Variants in PEX5L observed in about 807,000 individuals in gnomAD.
PEX5L encodes PEX5-related protein.
PEX5L carries 30 observed loss-of-function variants against 84.0 expected under a neutral mutation model. That is an observed-to-expected ratio of 0.36 (90% confidence interval 0.27 to 0.48). PEX5L has a LOEUF of 0.48. Among genes scored for constraint, PEX5L ranks in the 20% least tolerant of loss-of-function variants. The probability of loss-of-function intolerance (pLI) is 0.99; values close to 1 mark genes in which losing one functional copy is unlikely to be tolerated. For missense variants in PEX5L, 533 were observed against 754.6 expected, an observed-to-expected ratio of 0.71 and a Z score of 3.44; for synonymous variants, 270 against 283.1, an observed-to-expected ratio of 0.95 and a Z score of 0.46.
chr3:179,815,937 C>G lies in PEX5L; in HGVS notation c.1007G>C (p.Arg336Thr). Residue 336 changes from arginine (R) to threonine (T), a missense_variant, in exon 10 of 15, where the codon AGG (arginine) becomes ACG (threonine). Arg to Thr is a moderately conservative substitution (Grantham distance 71). Coordinates refer to ENST00000467460, the MANE Select transcript of PEX5L (RefSeq NM_016559.3). Reference sequence around the variant, plus strand: ...GACTGGCAGATCCCCTTCCTTCAGCCTTTTTAAGCCTTCTTCAAATGCTCC... The same window carrying G: ...GACTGGCAGATCCCCTTCCTTCAGCGTTTTTAAGCCTTCTTCAAATGCTCC... ...WPGAFEEGLK[R>T]LKEGDLPVTI... 6.2e-7 allele frequency: 1 copy of G among 1,614,134 alleles called. No individual in the cohort carries two copies. Among genetic ancestry groups the G allele is most frequent in the South Asian group, 1.1e-5 (1 of 91,080 alleles).
intron 1 of PEX5L, among the ~76,000 whole-genome samples, chr3:180,008,824 C>T (rs1789164623): frequency 6.6e-6 from 1 of 152,188 alleles, no homozygotes; most frequent in South Asian, 2.1e-4. Flanking sequence ...CCTCCCACAA[C>T]ACATGGGAAT....
chr3:179,920,457 A>G (rs978867448), intron 2 of PEX5L, among the ~76,000 whole-genome samples: 8 of 152,178 alleles, frequency 5.3e-5, no homozygotes, highest in Non-Finnish European at 1.5e-5. Flanking sequence ...AATCAGAAGC[A>G]TTTGAAAAAA....
chr3:179,837,012 AG>A (rs2109278124), intron 8 of PEX5L, among the ~76,000 whole-genome samples: 1 of 152,346 alleles, frequency 6.6e-6, no homozygotes, highest in South Asian at 2.1e-4. Context: ...GACTATAGAG[AG>A]AAAAATTATA....
In PEX5L at chr3:179,948,421, T is replaced by C. The variant is rs144094028; in HGVS notation, c.93+23173A>G. On this transcript the variant is annotated intron_variant, in intron 2 of 14. Transcript: ENST00000467460. ...AGCTTAACTTTCTCCTGTTTGGCTG[T>C]GGTCAGCAAGATGAGAAATTATCAG... is the stretch of plus-strand genomic sequence containing the variant. Among the ~76,000 whole-genome samples, 536 of 152,330 alleles carry C rather than the reference T, an allele frequency of 3.5e-3. 2 individuals are homozygous for C. The highest frequency in any genetic ancestry group is 0.012 in the African/African-American group (506 of 41,572).
At chr3:179,976,095 G>A (rs1487596470) in intron 1 of PEX5L, among the ~76,000 whole-genome samples, 2 of 152,138 alleles carry the variant, frequency 1.3e-5, no homozygotes, top group Non-Finnish European at 2.9e-5. Flanking sequence ...TGAGGACTAC[G>A]GCCAGAGTCC....
At chr3:179,995,626 C>A (rs889181409) in intron 1 of PEX5L, among the ~76,000 whole-genome samples, 4 of 152,108 alleles carry the variant, frequency 2.6e-5, no homozygotes, top group African/African-American at 9.7e-5. Context: ...GTTCAGTAGA[C>A]AAAGTGATGA....
At chr3:179,817,994 T>C (rs1360939631) in intron 9 of PEX5L, among the ~76,000 whole-genome samples, 1 of 152,206 alleles carries the variant, frequency 6.6e-6, no homozygotes, top group African/African-American at 2.4e-5. Flanking sequence ...GAGATGGTTG[T>C]TCTAATTTTA....
At chr3:179,810,775 A>G (rs1723452577) in intron 11 of PEX5L, among the ~76,000 whole-genome samples, 1 of 152,100 alleles carries the variant, frequency 6.6e-6, no homozygotes, top group Non-Finnish European at 1.5e-5. Flanking sequence ...TTTTAAAACT[A>G]TTGCTGCTTG....
At chr3:179,830,855 C>A (rs1192647610) in intron 8 of PEX5L, among the ~76,000 whole-genome samples, 4 of 152,166 alleles carry the variant, frequency 2.6e-5, no homozygotes, top group Non-Finnish European at 5.9e-5. Flanking sequence ...TTCCACAGAT[C>A]CTGACAGACA....
At chr3:179,814,548 C>T (rs1190255172) in intron 10 of PEX5L, among the ~76,000 whole-genome samples, 1 of 152,176 alleles carries the variant, frequency 6.6e-6, no homozygotes, top group Non-Finnish European at 1.5e-5. Context: ...CCGGTCGCTA[C>T]AATTTCTGCA....
chr3:179,854,784 A>G (rs1207730692), intron 8 of PEX5L, among the ~76,000 whole-genome samples: 1 of 152,228 alleles, frequency 6.6e-6, no homozygotes, highest in Non-Finnish European at 1.5e-5. Context: ...ATATTAGGGT[A>G]CAGTGGTAAA....
chr3:180,018,417 C>T (rs74803493), intron 1 of PEX5L, among the ~76,000 whole-genome samples: 6,899 of 152,234 alleles, frequency 0.045, 543 homozygotes, highest in African/African-American at 0.16. Flanking sequence ...CACTAACCGG[C>T]TGATGACAAG....
chr3:179,851,612 G>T (rs1409940188), intron 8 of PEX5L, among the ~76,000 whole-genome samples: 6 of 152,164 alleles, frequency 3.9e-5, no homozygotes, highest in Admixed American at 2.0e-4. Flanking sequence ...TTCATAAAAT[G>T]CTGTGGGAGG....
At chr3:180,013,414 C>T in intron 1 of PEX5L, among the ~76,000 whole-genome samples, 1 of 152,162 alleles carries the variant, frequency 6.6e-6, no homozygotes, top group East Asian at 1.9e-4. Context: ...AAAATTCTTA[C>T]TTCTCTTACA....
rs375756194 is a variant in PEX5L, at chr3:179,944,717, C to T, written c.93+26877G>A. On this transcript the variant is annotated intron_variant, in intron 2 of 14. Transcript: ENST00000467460. Reference sequence around the variant, plus strand: ...TTCCAATTTATGCCCATTTTAAGGCCGTTTTCAACAGTTTTCAATTGATGT... The same window carrying T: ...TTCCAATTTATGCCCATTTTAAGGCTGTTTTCAACAGTTTTCAATTGATGT... Among the ~76,000 whole-genome samples, 27 of 152,222 alleles carry T rather than the reference C, an allele frequency of 1.8e-4. 1 individual carries two copies. In the South Asian group the frequency reaches 4.6e-3, roughly 26 times the overall value.
intron 2 of PEX5L, among the ~76,000 whole-genome samples, chr3:179,903,694 G>T (rs990941108): frequency 6.6e-6 from 1 of 152,150 alleles, no homozygotes; most frequent in Non-Finnish European, 1.5e-5. Context: ...AGTTAGTGTC[G>T]TAAGTGTCAT....
chr3:179,890,267 T>C (rs568567702), intron 3 of PEX5L, among the ~76,000 whole-genome samples: 9 of 152,320 alleles, frequency 5.9e-5, no homozygotes, highest in Admixed American at 4.6e-4. Context: ...GTTATACGCA[T>C]TCACAGAGGA....
intron 2 of PEX5L, among the ~76,000 whole-genome samples, chr3:179,905,910 A>G (rs982876769): frequency 1.3e-5 from 2 of 152,240 alleles, no homozygotes; most frequent in Non-Finnish European, 2.9e-5. Context: ...AAGTGCACTC[A>G]ATAAATATAT....
intron 5 of PEX5L, among the ~76,000 whole-genome samples, chr3:179,877,511 T>C (rs1247234109): frequency 6.6e-6 from 1 of 152,178 alleles, no homozygotes; most frequent in Non-Finnish European, 1.5e-5. Flanking sequence ...CAGGCTGAAG[T>C]GCTATGGTGC....
Sources: gnomAD v4.1 joint callset for allele counts (sites outside exome capture counted in the v4.1 genomes callset) on GRCh38, gnomAD v4.1.1 for gene constraint, MANE v1.5 for transcripts, NCBI Gene and HGNC (gene_info 2026-07-23, HGNC 2026-07-21) for gene names.